Variants in XKR4 observed in about 807,000 individuals in gnomAD.
The protein encoded by XKR4 is XK related 4, also known as XK-related protein 4.
In XKR4, 12 loss-of-function variants were observed where a neutral mutation model predicts 53.9. The observed-to-expected ratio is 0.22, with a 90% CI of 0.14 to 0.36. The LOEUF (loss-of-function observed/expected upper bound fraction) is 0.36, where lower values mean the gene tolerates loss of function less well. Ranked by LOEUF, XKR4 falls within the 10% of genes least tolerant of loss-of-function variation. The pLI, the probability that XKR4 is intolerant of heterozygous loss-of-function variation, is 1.00. For synonymous variants in XKR4, 354 were observed against 362.4 expected (o/e 0.98, Z 0.26); for missense variants, 799 against 859.5 (o/e 0.93, Z 0.88).
chr8:55,444,632 C>A (rs1432982966), intron 2 of XKR4, among the ~76,000 whole-genome samples: 1 of 152,174 alleles, frequency 6.6e-6, no homozygotes, highest in Non-Finnish European at 1.5e-5. Context: ...ACATCAAAAT[C>A]ATTTTCAGCA....
intron 2 of XKR4, among the ~76,000 whole-genome samples, chr8:55,481,073 A>C (rs1327869511): frequency 6.6e-6 from 1 of 152,216 alleles, no homozygotes; most frequent in East Asian, 1.9e-4. Context: ...GGAACCAAAA[A>C]AGAGCCCACA....
chr8:55,230,485 C>T (rs1050739854), intron 1 of XKR4, among the ~76,000 whole-genome samples: 2 of 151,938 alleles, frequency 1.3e-5, no homozygotes, highest in Non-Finnish European at 2.9e-5. Flanking sequence ...GCCTCTGCCT[C>T]AGCCTCCCGA....
intron 1 of XKR4, among the ~76,000 whole-genome samples, chr8:55,216,293 A>G (rs1817795934): frequency 6.6e-6 from 1 of 152,246 alleles, no homozygotes; most frequent in Non-Finnish European, 1.5e-5. Flanking sequence ...GTATTGCCAA[A>G]ACTCTCCTGG....
At chr8:55,497,243 T>C (rs1274155378) in intron 2 of XKR4, among the ~76,000 whole-genome samples, 2 of 152,186 alleles carry the variant, frequency 1.3e-5, no homozygotes, top group East Asian at 1.9e-4. Flanking sequence ...AAATAAGAGA[T>C]TGAATATAAA....
At chr8:55,308,630 C>T (rs1407303430) in intron 1 of XKR4, among the ~76,000 whole-genome samples, 1 of 152,110 alleles carries the variant, frequency 6.6e-6, no homozygotes, top group East Asian at 1.9e-4. Flanking sequence ...TATCACCATA[C>T]AATCTAACAA....
chr8:55,233,767 A>G (rs1818079416), intron 1 of XKR4, among the ~76,000 whole-genome samples: 3 of 152,270 alleles, frequency 2.0e-5, no homozygotes, highest in Non-Finnish European at 2.9e-5. Context: ...TCATTTCCTT[A>G]AACCCATTGA....
chr8:55,249,746 C>T (rs1162083622), intron 1 of XKR4, among the ~76,000 whole-genome samples: 1 of 152,196 alleles, frequency 6.6e-6, no homozygotes, highest in African/African-American at 2.4e-5. Context: ...GGTAGCCATA[C>T]TCAAATTTAG....
At position 55,401,303 on chromosome 8, in the gene XKR4, C is replaced by T. The variant is rs1365860169; in HGVS notation, c.1006+43426C>T. Among the ~76,000 whole-genome samples, 3 of 152,164 alleles carry T rather than the reference C, an allele frequency of 2.0e-5. No homozygotes were observed. The East Asian group carries it at 5.8e-4, about 29-fold the overall frequency. ...GGTCCATTTCCTGCCATCTGGTATC[C>T]CAGAGCACACAAGGAGTGGGAGGCA... On this transcript the variant is annotated intron_variant, in intron 2 of 2. Coordinates refer to ENST00000327381, the MANE Select transcript of XKR4 (RefSeq NM_052898.2).
chr8:55,416,641 G>T (rs1054610033), intron 2 of XKR4, among the ~76,000 whole-genome samples: 1 of 152,166 alleles, frequency 6.6e-6, no homozygotes, highest in Non-Finnish European at 1.5e-5. Flanking sequence ...TCACAAGCAG[G>T]GGGGTGAAAA....
chr8:55,119,052 T>G (rs932644436), intron 1 of XKR4, among the ~76,000 whole-genome samples: 2 of 152,212 alleles, frequency 1.3e-5, no homozygotes, highest in South Asian at 2.1e-4. Context: ...TCAGATACTG[T>G]GGAGTGAAAA....
At chr8:55,396,282 T>TG (rs1352723214) in intron 2 of XKR4, among the ~76,000 whole-genome samples, 2 of 152,044 alleles carry the variant, frequency 1.3e-5, no homozygotes, top group Non-Finnish European at 2.9e-5. Flanking sequence ...AGAGCCCCAG[T>TG]GGCAAAGCTC....
intron 1 of XKR4, among the ~76,000 whole-genome samples, chr8:55,171,476 C>T (rs567442421): frequency 5.9e-5 from 9 of 152,128 alleles, no homozygotes; most frequent in Non-Finnish European, 1.2e-4. Context: ...GGTCTTCATA[C>T]GTCTCCGTGT....
intron 1 of XKR4, among the ~76,000 whole-genome samples, chr8:55,313,733 G>T (rs1191201712): frequency 6.6e-6 from 1 of 152,214 alleles, no homozygotes; most frequent in Non-Finnish European, 1.5e-5. Flanking sequence ...GTCACCTGCT[G>T]CCTCCAGTGA....
chr8:55,431,128 A>G (rs1805097892), intron 2 of XKR4, among the ~76,000 whole-genome samples: 1 of 152,248 alleles, frequency 6.6e-6, no homozygotes, highest in Non-Finnish European at 1.5e-5. Context: ...TGATTAACTA[A>G]TAAGTCAAAT....
rs117389206 is a variant in XKR4, at chr8:55,242,247, T to C, written c.807-115431T>C. Among the ~76,000 whole-genome samples the C allele has an allele frequency of 1.3e-3, 192 of 152,306 alleles. 3 individuals carry two copies. In the East Asian group the frequency reaches 0.032, roughly 25 times the overall value. On this transcript the variant is annotated intron_variant, in intron 1 of 2. Coordinates refer to ENST00000327381, the MANE Select transcript of XKR4 (RefSeq NM_052898.2). ...CATGTGTTTCTTCAGAGACACCACTTTGGAGTGGAAGTCAGCACCAGCATC... is the reference window on the plus strand; with the variant it reads ...CATGTGTTTCTTCAGAGACACCACTCTGGAGTGGAAGTCAGCACCAGCATC...
rs562755861 is a variant in XKR4, at chr8:55,295,140, A to C, written c.807-62538A>C. On this transcript the variant is annotated intron_variant, in intron 1 of 2. Transcript: ENST00000327381. ...GTGTAAGACACGAGGCTAGCTGTAA[A>C]GGGAAGGAATCGAGAGGTGATTCTG... is the stretch of plus-strand genomic sequence containing the variant. Among the ~76,000 whole-genome samples the C allele has an allele frequency of 1.7e-4, 26 of 152,338 alleles. No homozygotes were observed. The South Asian group carries it at 5.4e-3, about 32-fold the overall frequency.
chr8:55,215,266 A>G (rs1417350246), intron 1 of XKR4, among the ~76,000 whole-genome samples: 1 of 152,248 alleles, frequency 6.6e-6, no homozygotes. Context: ...TGTATGCCTA[A>G]ACTAGTCCAG....
chr8:55,511,351 CAT>C (rs1465518673), intron 2 of XKR4, among the ~76,000 whole-genome samples: 3 of 152,208 alleles, frequency 2.0e-5, no homozygotes, highest in African/African-American at 7.2e-5. Context: ...AGCCAGGAAA[CAT>C]AAGCAATCAA....
intron 2 of XKR4, among the ~76,000 whole-genome samples, chr8:55,498,929 C>T (rs150548992): frequency 1.8e-3 from 275 of 152,270 alleles, no homozygotes; most frequent in African/African-American, 6.1e-3. Context: ...CTCAGAGAAG[C>T]GAAAGGACTT....
Sources: gnomAD v4.1 joint callset for allele counts (sites outside exome capture counted in the v4.1 genomes callset) on GRCh38, gnomAD v4.1.1 for gene constraint, MANE v1.5 for transcripts, NCBI Gene and HGNC (gene_info 2026-07-23, HGNC 2026-07-21) for gene names.